Variants in ADAMTS9 observed in about 807,000 individuals in gnomAD.
ADAMTS9 encodes the protein A disintegrin and metalloproteinase with thrombospondin motifs 9.
Under a neutral mutation model 257.1 loss-of-function variants are expected in ADAMTS9, and 107 were observed. The observed-to-expected ratio is 0.42, with a 90% CI of 0.36 to 0.49. The LOEUF (loss-of-function observed/expected upper bound fraction) is 0.49. Among genes scored for constraint, ADAMTS9 ranks in the 20% least tolerant of loss-of-function variants. The probability of loss-of-function intolerance (pLI) is 0.03; values close to 1 mark genes in which losing one functional copy is unlikely to be tolerated. For synonymous variants in ADAMTS9, 982 were observed against 880.9 expected (o/e 1.11, Z -2.03); for missense variants, 2,353 against 2,469.1 (o/e 0.95, Z 1.00).
chr3:64,548,605 G>GC (rs1471390119), intron 31 of ADAMTS9, among the ~76,000 whole-genome samples: 1 of 146,852 alleles, frequency 6.8e-6, no homozygotes, highest in Non-Finnish European at 1.5e-5. Flanking sequence ...GTGGGGGGGA[G>GC]CCCAGTGGGA....
intron 28 of ADAMTS9, among the ~76,000 whole-genome samples, chr3:64,571,768 G>A (rs748853929): frequency 5.3e-5 from 8 of 152,232 alleles, no homozygotes; most frequent in South Asian, 2.1e-4. Context: ...GCAGCTGCTC[G>A]TGGAAATGTT....
intron 31 of ADAMTS9, among the ~76,000 whole-genome samples, chr3:64,548,032 G>A (rs899705507): frequency 6.6e-6 from 1 of 152,036 alleles, no homozygotes. Context: ...GGTGAGGGTG[G>A]GATAAATACC....
At chr3:64,630,011 T>C (rs1700328925) in intron 16 of ADAMTS9, among the ~76,000 whole-genome samples, 1 of 152,164 alleles carries the variant, frequency 6.6e-6, no homozygotes, top group Admixed American at 6.5e-5. Flanking sequence ...ACAGGTTGAA[T>C]TCAGATGAAT....
chr3:64,515,960 AT>A lies in ADAMTS9; in HGVS notation c.*1166del, dbSNP rs2082770547. ...TAACAAAAAAGTGAATTAATGAGCA[AT>A]CGGAAAGACTCAAAGCATTTTGTAC... On this transcript the variant is annotated 3_prime_UTR_variant, in exon 40 of 40. Coordinates refer to ENST00000498707, the MANE Select transcript of ADAMTS9 (RefSeq NM_182920.2). 2 of 152,314 alleles carry A rather than the reference AT, an allele frequency of 1.3e-5. No homozygotes were observed. Among genetic ancestry groups the A allele is most frequent in the South Asian group, 2.1e-4 (1 of 4,818 alleles). The allele number at this position is 152,314 out of a possible 1,614,324, so 9.4% of individuals were successfully genotyped here.
At chr3:64,635,066 C>T (rs1700461693) in intron 12 of ADAMTS9, among the ~76,000 whole-genome samples, 8 of 152,248 alleles carry the variant, frequency 5.3e-5, no homozygotes, top group Admixed American at 3.3e-4. Context: ...ATGTTACCTA[C>T]TATGATACTT....
chr3:64,651,214 T>C (rs369287823), intron 8 of ADAMTS9, 51 bp from the exon 9 acceptor site: 10 of 1,490,006 alleles, frequency 6.7e-6, no homozygotes, highest in Non-Finnish European at 8.9e-6. Flanking sequence ...CAAGGGATCA[T>C]GCTGTTCTAA....
intron 22 of ADAMTS9, 104 bp downstream of exon 22, chr3:64,613,241 C>A: frequency 7.1e-7 from 1 of 1,405,512 alleles, no homozygotes; most frequent in Non-Finnish European, 9.7e-7. Context: ...TGCATGCCAC[C>A]CGGCACAGCG....
At chr3:64,567,248 C>A (rs185242758) in intron 29 of ADAMTS9, among the ~76,000 whole-genome samples, 1 of 152,242 alleles carries the variant, frequency 6.6e-6, no homozygotes, top group African/African-American at 2.4e-5. Flanking sequence ...TGCTTTGGGG[C>A]CTTAAGAATC....
chr3:64,664,382 A>G (rs574226233), intron 3 of ADAMTS9, among the ~76,000 whole-genome samples: 1 of 152,306 alleles, frequency 6.6e-6, no homozygotes, highest in East Asian at 1.9e-4. Context: ...TAACTTTAGA[A>G]TATTTTCATA....
chr3:64,534,379 C>CA (rs757102022), intron 37 of ADAMTS9, among the ~76,000 whole-genome samples: 6 of 152,118 alleles, frequency 3.9e-5, no homozygotes, highest in Non-Finnish European at 8.8e-5. Flanking sequence ...AGTAGATATG[C>CA]AAAAAGATGG....
Position 64,686,035 on chromosome 3 carries a change from C to T in ADAMTS9, c.516+533G>A, listed in dbSNP as rs1261898802. On this transcript the variant is annotated intron_variant, in intron 2 of 39. Coordinates refer to ENST00000498707, the MANE Select transcript of ADAMTS9 (RefSeq NM_182920.2). The surrounding 1 kb of genome is among the most constrained non-coding windows in gnomAD (Gnocchi z 4.6). ...GTCAATCCAGTTCAGCCTCAGGGTTCCTGGCGCGTGAATAAAGGCCCTGAG... is the reference window on the plus strand; with the variant it reads ...GTCAATCCAGTTCAGCCTCAGGGTTTCTGGCGCGTGAATAAAGGCCCTGAG... 6.6e-6 allele frequency among the ~76,000 whole-genome samples: 1 copy of T among 152,188 alleles called. No homozygotes were observed. Among genetic ancestry groups the T allele is most frequent in the Non-Finnish European group, 1.5e-5 (1 of 68,038 alleles).
chr3:64,545,293 A>G (rs544105528), intron 32 of ADAMTS9, among the ~76,000 whole-genome samples: 34 of 152,354 alleles, frequency 2.2e-4, no homozygotes, highest in African/African-American at 7.7e-4. Context: ...ATGCTGCTAT[A>G]AAGACACATG....
At chr3:64,622,689 A>C in intron 16 of ADAMTS9, 103 bp from the exon 17 acceptor site, 1 of 1,308,628 alleles carries the variant, frequency 7.6e-7, no homozygotes, top group East Asian at 2.4e-5. Context: ...TGTGCACGGA[A>C]TGGGGACTTT....
At position 64,594,420 on chromosome 3, in the gene ADAMTS9, A is replaced by G. The variant is rs940503848; in HGVS notation, c.4194T>C (p.Cys1398=). 1.2e-6 allele frequency: 2 copies of G among 1,613,790 alleles called. No homozygotes were observed. Among genetic ancestry groups the G allele is most frequent in the African/African-American group, 1.3e-5 (1 of 74,904 alleles). ...YGNWGECTKL[C]GGGIRTRLVV... The stretch of plus-strand genomic sequence containing the variant: ...CCAGTCTTGTTCTTATGCCTCCACC[A>G]CACAGCTTAGTGCACTGGAAGAAGG... The change falls in exon 28 of 40, where the codon TGT becomes TGC. Residue 1398 remains cysteine (C), a synonymous_variant. Coordinates refer to ENST00000498707, the MANE Select transcript of ADAMTS9 (RefSeq NM_182920.2).
At chr3:64,630,150 G>C (rs926929041) in intron 16 of ADAMTS9, among the ~76,000 whole-genome samples, 33 of 152,194 alleles carry the variant, frequency 2.2e-4, no homozygotes, top group African/African-American at 8.0e-4. Context: ...GAAGAGTTTT[G>C]TGTAAGGTGA....
intron 26 of ADAMTS9, among the ~76,000 whole-genome samples, chr3:64,599,912 A>C (rs1302821312): frequency 1.3e-5 from 2 of 152,166 alleles, no homozygotes; most frequent in Non-Finnish European, 2.9e-5. Flanking sequence ...CACAGCTGAA[A>C]AGATTTATTA....
intron 16 of ADAMTS9, among the ~76,000 whole-genome samples, chr3:64,624,121 A>G (rs1310880765): frequency 2.5e-4 from 38 of 151,990 alleles, no homozygotes; most frequent in Non-Finnish European, 7.4e-5. Flanking sequence ...GTTAAGCAAG[A>G]TGAATACATT....
intron 19 of ADAMTS9, among the ~76,000 whole-genome samples, chr3:64,618,852 CG>C (rs1700031120): frequency 6.6e-6 from 1 of 152,042 alleles, no homozygotes; most frequent in Admixed American, 6.6e-5. Flanking sequence ...CTCATGGCTT[CG>C]GGGGTACCTT....
chr3:64,535,934 C>G (rs2083044207), intron 37 of ADAMTS9, among the ~76,000 whole-genome samples: 1 of 152,086 alleles, frequency 6.6e-6, no homozygotes, highest in Admixed American at 6.6e-5. Flanking sequence ...ATCCTAGTGC[C>G]AAGAATGTCC....
Sources: allele counts gnomAD v4.1 joint callset (sites outside exome capture counted in the v4.1 genomes callset), GRCh38; gene constraint gnomAD v4.1.1; non-coding constraint Gnocchi (gnomAD v3.1); transcripts MANE v1.5; gene names NCBI Gene and HGNC (gene_info 2026-07-23, HGNC 2026-07-21).